MIA3: variants seen among roughly 807,000 people sequenced by gnomAD.
MIA3 encodes MIA SH3 domain ER export factor 3.
In MIA3, 90 loss-of-function variants were observed where a neutral mutation model predicts 192.4. That is an observed-to-expected ratio of 0.47 (90% CI 0.39 to 0.56). The LOEUF (loss-of-function observed/expected upper bound fraction) is 0.56, where lower values mean the gene tolerates loss of function less well. Ranked by LOEUF, MIA3 falls within the 20% of genes least tolerant of loss-of-function variation. The pLI, the probability that MIA3 is intolerant of heterozygous loss-of-function variation, is 0.00. For missense variants in MIA3, 2,123 were observed against 2,269.4 expected (o/e 0.94, Z 1.31); for synonymous variants, 740 against 792.8 (o/e 0.93, Z 1.12).
At chr1:222,654,196 A>G in intron 15 of MIA3, 47 bp from the exon 16 acceptor site, 1 of 1,568,610 alleles carries the variant, frequency 6.4e-7, no homozygotes, top group Non-Finnish European at 8.7e-7. Flanking sequence ...ATAGATTTAA[A>G]AAGCAAGGGA....
In MIA3 at chr1:222,630,268, A is replaced by T; in HGVS notation, c.3048A>T (p.Ala1016=). The stretch of plus-strand genomic sequence containing the variant: ...AAAATAACATATTTGAAGAGGCTGC[A>T]GTGCTTGATGACATTCAAGACCTCA... ...MNENNIFEEA[A]VLDDIQDLIY... Residue 1016 remains alanine, a synonymous_variant, in exon 4 of 28, where the codon GCA becomes GCT. Transcript: ENST00000344922. 1 of 1,614,258 alleles carries T rather than the reference A, an allele frequency of 6.2e-7. No individual in the cohort carries two copies. The highest frequency in any genetic ancestry group is 8.5e-7 in the Non-Finnish European group (1 of 1,180,050).
chr1:222,654,524 C>T (rs745488778), intron 17 of MIA3, 45 bp downstream of exon 17: 1 of 1,565,306 alleles, frequency 6.4e-7, no homozygotes, highest in Non-Finnish European at 8.8e-7. Context: ...TGGAAAGATA[C>T]AAAATTGCAT....
intron 26 of MIA3, among the ~76,000 whole-genome samples, chr1:222,663,546 T>C (rs895022777): frequency 7.9e-5 from 12 of 152,200 alleles, no homozygotes; most frequent in Admixed American, 3.9e-4. Flanking sequence ...TGTGTTAATA[T>C]ATGTAGGGCC....
intron 18 of MIA3, among the ~76,000 whole-genome samples, chr1:222,655,730 A>G (rs1339075786): frequency 6.6e-6 from 1 of 152,158 alleles, no homozygotes; most frequent in East Asian, 1.9e-4. Flanking sequence ...AAAAAAGAGC[A>G]CTTCTCTGCC....
At position 222,660,244 on chromosome 1, in the gene MIA3, G is replaced by A; in HGVS notation, c.5043G>A (p.Leu1681=). 1 of 1,613,730 alleles carries A rather than the reference G, an allele frequency of 6.2e-7. No homozygotes were observed. The highest frequency in any genetic ancestry group is 8.5e-7 in the Non-Finnish European group (1 of 1,179,626). ...GTGGTGGAGAATGCTCCCCTCCATT[G>A]ACAGTGGAGCCACCCGTGAGACCTC... ...PVSGGECSPP[L]TVEPPVRPLS... Residue 1681 remains leucine, a synonymous_variant, in exon 24 of 28, where the codon TTG becomes TTA. Transcript: ENST00000344922.
chr1:222,633,191 C>T lies in MIA3; in HGVS notation c.3419C>T (p.Thr1140Ile), dbSNP rs768826519. The T allele has an allele frequency of 6.2e-7, 1 of 1,613,998 alleles. No individual in the cohort carries two copies. The highest frequency in any genetic ancestry group is 1.1e-5 in the South Asian group (1 of 91,058). Residue 1140 changes from threonine (T) to isoleucine (I), a missense_variant, in exon 6 of 28, where the codon ACA becomes ATA. By Grantham distance (89) the Thr-to-Ile change is moderately conservative. This residue lies in a region of MIA3 where 1,357 missense variants were observed against 1,396.1 expected (regional missense o/e 0.97). Transcript: ENST00000344922. Reference sequence around the variant, plus strand: ...GCCGCCGAAGAGCCGGCAAGTGTCACACCTTTGGAAAACGCAATCCTTCTA... The same window carrying T: ...GCCGCCGAAGAGCCGGCAAGTGTCATACCTTTGGAAAACGCAATCCTTCTA... ...ETAAEEPASV[T>I]PLENAILLIY...
At chr1:222,624,746 T>A in intron 2 of MIA3, 22 bp from the exon 3 acceptor site, 2 of 1,166,616 alleles carry the variant, frequency 1.7e-6, no homozygotes, top group Non-Finnish European at 2.6e-6. Context: ...TATGTGTCCC[T>A]TTTGCCCATT....
intron 23 of MIA3, 41 bp downstream of exon 23, chr1:222,660,047 G>A (rs770254830): frequency 6.3e-7 from 1 of 1,588,928 alleles, no homozygotes; most frequent in South Asian, 1.1e-5. Context: ...TCTGTTTTTT[G>A]ATGTAAAATG....
chr1:222,636,283 T>G (rs1183805547), intron 6 of MIA3, among the ~76,000 whole-genome samples: 1 of 152,172 alleles, frequency 6.6e-6, no homozygotes, highest in Non-Finnish European at 1.5e-5. Flanking sequence ...GCCATAGTTT[T>G]TTGTGTGTCA....
intron 18 of MIA3, among the ~76,000 whole-genome samples, chr1:222,655,941 C>T (rs989713293): frequency 1.4e-5 from 2 of 146,984 alleles, no homozygotes; most frequent in African/African-American, 2.5e-5. Context: ...TAGCTAATCA[C>T]GTATCTCCAG....
intron 8 of MIA3, chr1:222,649,137 A>G (rs1370768376): frequency 3.8e-6 from 1 of 265,670 alleles, no homozygotes; most frequent in Admixed American, 5.6e-5. Context: ...ACATGTGACC[A>G]GTGTCCCTGT....
Position 222,629,991 on chromosome 1 carries a change from T to G in MIA3, c.2771T>G (p.Leu924Arg). The G allele has an allele frequency of 6.2e-7, 1 of 1,614,144 alleles. No individual in the cohort carries two copies. The highest frequency in any genetic ancestry group is 8.5e-7 in the Non-Finnish European group (1 of 1,180,026). The change falls in exon 4 of 28, where the codon CTT (leucine) becomes CGT (arginine). Residue 924 changes from leucine to arginine, a missense_variant. Leu to Arg is a moderately radical substitution (Grantham distance 102). Around this residue, in one of 3 missense-constraint regions of MIA3, gnomAD observed 1,357 missense variants for 1,396.1 expected, o/e 0.97. Coordinates refer to ENST00000344922, the MANE Select transcript of MIA3 (RefSeq NM_198551.4). ...CATAGTGACAAGAGGGAGGACTTACTTATCATAAGCAGCTTCTTTAAAGAA... is the reference window on the plus strand; with the variant it reads ...CATAGTGACAAGAGGGAGGACTTACGTATCATAAGCAGCTTCTTTAAAGAA... ...PGHSDKREDL[L>R]IISSFFKEQQ...
At chr1:222,650,771 A>T in intron 10 of MIA3, 22 bp from the exon 11 acceptor site, 1 of 1,577,922 alleles carries the variant, frequency 6.3e-7, no homozygotes, top group Non-Finnish European at 8.7e-7. Context: ...GAGTATAACT[A>T]ACCTTAATAT....
In MIA3 at chr1:222,627,631, A is replaced by G; in HGVS notation, c.411A>G (p.Val137=). The G allele has an allele frequency of 6.3e-7, 1 of 1,589,860 alleles. No homozygotes were observed. The highest frequency in any genetic ancestry group is 8.5e-7 in the Non-Finnish European group (1 of 1,173,704). Residue 137 remains valine, a synonymous_variant, in exon 4 of 28, where the codon GTA becomes GTG. Coordinates refer to ENST00000344922, the MANE Select transcript of MIA3 (RefSeq NM_198551.4). ...GGRDDFHNYN[V]EELLGFLELY... Reference sequence around the variant, plus strand: ...GAGATGATTTTCATAATTATAATGTAGAAGAACTTTTAGGGTTTTTGGAAC... The same window carrying G: ...GAGATGATTTTCATAATTATAATGTGGAAGAACTTTTAGGGTTTTTGGAAC...
At chr1:222,639,117 T>C (rs1350994816) in intron 6 of MIA3, among the ~76,000 whole-genome samples, 1 of 152,186 alleles carries the variant, frequency 6.6e-6, no homozygotes, top group Non-Finnish European at 1.5e-5. Context: ...TAAGGGAATA[T>C]TATGAGCAAT....
At chr1:222,621,037 A>T in intron 1 of MIA3, 122 bp from the exon 2 acceptor site, 1 of 718,930 alleles carries the variant, frequency 1.4e-6, no homozygotes, top group Non-Finnish European at 2.2e-6. Context: ...AATTCCAGAG[A>T]GTACTGGAAA....
In MIA3 at chr1:222,629,234, A is replaced by T; in HGVS notation, c.2014A>T (p.Ser672Cys). ...DVAATASKQMSEKIRLSEGEA... is the reference protein window; with the variant it reads ...DVAATASKQMCEKIRLSEGEA... ...GGCTGCCACAGCCAGTAAGCAAATG[A>T]GTGAGAAGATAAGGCTCTCTGAGGG... The change falls in exon 4 of 28, where the codon AGT (serine) becomes TGT (cysteine). Residue 672 changes from serine (S) to cysteine (C), a missense_variant. Around this residue, in one of 3 missense-constraint regions of MIA3, gnomAD observed 1,357 missense variants for 1,396.1 expected, o/e 0.97. Transcript: ENST00000344922. The T allele has an allele frequency of 6.2e-7, 1 of 1,614,180 alleles. No homozygotes were observed.
At chr1:222,622,251 G>A (rs1661904484) in intron 2 of MIA3, among the ~76,000 whole-genome samples, 4 of 152,202 alleles carry the variant, frequency 2.6e-5, no homozygotes, top group Non-Finnish European at 2.9e-5. Flanking sequence ...ACTGCATCAT[G>A]CTTTGGTATT....
chr1:222,645,403 T>A (rs1663091656), intron 6 of MIA3, 151 bp from the exon 7 acceptor site: 1 of 622,424 alleles, frequency 1.6e-6, no homozygotes, highest in Admixed American at 3.3e-5. Context: ...ATCCTGTTTT[T>A]CTTAAAGCAG....
Sources: allele counts gnomAD v4.1 joint callset (sites outside exome capture counted in the v4.1 genomes callset), GRCh38; gene constraint gnomAD v4.1.1; regional missense constraint gnomAD v4.1.1; transcripts MANE v1.5; gene names NCBI Gene and HGNC (gene_info 2026-07-23, HGNC 2026-07-21).